The following DELE1 variants were observed in gnomAD, a reference collection of about 807,000 sequenced individuals.
DELE1 encodes DAP3 binding cell death enhancer 1.
In DELE1, 54 loss-of-function variants were observed where a neutral mutation model predicts 59.3. The observed-to-expected ratio is 0.91, with a 90% CI of 0.73 to 1.14. DELE1 has a LOEUF of 1.14. Ranked by LOEUF, DELE1 falls within the 50% of genes most tolerant of loss-of-function variation. The pLI is 0.00. For synonymous variants in DELE1, 264 were observed against 259.1 expected, an observed-to-expected ratio of 1.02 and a Z score of -0.18; for missense variants, 636 against 643.9, an observed-to-expected ratio of 0.99 and a Z score of 0.13.
chr5:141,936,306 C>T (rs1287376438), intron 10 of DELE1, among the ~76,000 whole-genome samples: 6 of 152,182 alleles, frequency 3.9e-5, no homozygotes, highest in African/African-American at 1.4e-4. Context: ...GGAGTGCAGA[C>T]AGTCTGGCTA....
chr5:141,938,391 C>CACTCATGAGTCACTGGGGTTGGGAGT, intron 11 of DELE1, 130 bp from the exon 12 acceptor site: 2 of 1,388,048 alleles, frequency 1.4e-6, no homozygotes, highest in Non-Finnish European at 1.9e-6. Context: ...GAGCCCTGCT[C>CACTCATGAGTCACTGGGGTTGGGAGT]ACTCATGAGT....
intron 3 of DELE1, among the ~76,000 whole-genome samples, chr5:141,926,013 G>C (rs1475332061): frequency 6.6e-6 from 1 of 151,994 alleles, no homozygotes; most frequent in Non-Finnish European, 1.5e-5. Flanking sequence ...CCAAGTAGCT[G>C]GGATTACAGG....
chr5:141,934,273 G>A lies in DELE1; in HGVS notation c.931G>A (p.Gly311Ser), dbSNP rs752203366. 1.2e-6 allele frequency: 2 copies of A among 1,612,812 alleles called. No homozygotes were observed. The highest frequency in any genetic ancestry group is 2.2e-5 in the South Asian group (2 of 91,054). Residue 311 changes from glycine to serine, a missense_variant, in exon 9 of 12, where the codon GGC becomes AGC. By Grantham distance (56) the Gly-to-Ser change is moderately conservative. Coordinates refer to ENST00000432126, the MANE Select transcript of DELE1 (RefSeq NM_014773.5). Reference sequence around the variant, plus strand: ...TTATTATCAGTTGGCTGCCAGCCAGGGCCACAGCCTGGCTCAGTACCGCTA... The same window carrying A: ...TTATTATCAGTTGGCTGCCAGCCAGAGCCACAGCCTGGCTCAGTACCGCTA... The part of the protein sequence containing the change: ...VLYYQLAASQ[G>S]HSLAQYRYAR...
intron 10 of DELE1, among the ~76,000 whole-genome samples, chr5:141,935,198 T>TG (rs1470311783): frequency 6.6e-6 from 1 of 152,176 alleles, no homozygotes; most frequent in African/African-American, 2.4e-5. Context: ...GTCTGTGAAC[T>TG]GGGGTCATTG....
intron 4 of DELE1, among the ~76,000 whole-genome samples, chr5:141,928,755 C>G (rs1295863084): frequency 6.6e-6 from 1 of 152,222 alleles, no homozygotes; most frequent in Non-Finnish European, 1.5e-5. Flanking sequence ...TGTCCCTGAA[C>G]AAGTCACTTT....
rs1347854435 is a variant in DELE1, at chr5:141,940,752, T to G, written c.*1993T>G. On this transcript the variant is annotated 3_prime_UTR_variant, in exon 12 of 12. Transcript: ENST00000432126. ...GCACTCCTTGGGAGCAGGGTCCTTG[T>G]CTTTGTATTCCAGTGTCCCCAGCAC... 5 of 977,936 alleles carry G rather than the reference T, an allele frequency of 5.1e-6. No homozygotes were observed. The highest frequency in any genetic ancestry group is 6.1e-6 in the Non-Finnish European group (5 of 823,240). The allele number at this position is 977,936 out of a possible 1,614,324, so 60.6% of individuals were successfully genotyped here. A position where few individuals can be genotyped will look rare whatever the true frequency, so the allele number is the denominator to read the frequency against.
intron 11 of DELE1, 126 bp downstream of exon 11, chr5:141,937,483 C>G: frequency 8.7e-7 from 1 of 1,155,272 alleles, no homozygotes; most frequent in East Asian, 2.4e-5. Flanking sequence ...AAGAATGCAG[C>G]TTTTGGGATG....
Position 141,923,989 on chromosome 5 carries a change from C to T in DELE1, c.31+17C>T. 6.2e-7 allele frequency: 1 copy of T among 1,607,558 alleles called. No individual in the cohort carries two copies. Among genetic ancestry groups the T allele is most frequent in the Non-Finnish European group, 8.5e-7 (1 of 1,177,164 alleles). On this transcript the variant is annotated intron_variant, in intron 1 of 11. Coordinates refer to ENST00000432126, the MANE Select transcript of DELE1 (RefSeq NM_014773.5). ...TGGGCCGAGGTAAGGGACGTCCAAG[C>T]AACCAGCGTCACTCTGGGCCGCAAA...
rs1352683011 is a variant in DELE1 at position 141,928,285 on chromosome 5, G to A, written c.399G>A (p.Trp133Ter). The A allele has an allele frequency of 6.2e-7, 1 of 1,614,104 alleles. No homozygotes were observed. The highest frequency in any genetic ancestry group is 8.5e-7 in the Non-Finnish European group (1 of 1,179,988). Residue 133 changes from tryptophan to a stop codon, truncating the protein, a stop_gained, in exon 4 of 12, where the codon TGG becomes TGA. Coordinates refer to ENST00000432126, the MANE Select transcript of DELE1 (RefSeq NM_014773.5). LOFTEE classifies it high-confidence loss of function. ...PLDRFFSSPL[W>*]HPCSSLRQHI... ...ACCGTTTCTTCTCATCTCCCTTGTG[G>A]CACCCATGCTCCTGTGAGTTCTCAG... is the stretch of plus-strand genomic sequence containing the variant.
Position 141,924,636 on chromosome 5 carries a change from C to A in DELE1, c.87C>A (p.Ser29Arg), listed in dbSNP as rs1276914932. The A allele has an allele frequency of 3.7e-6, 6 of 1,614,016 alleles. No individual in the cohort carries two copies. The highest frequency in any genetic ancestry group is 5.1e-6 in the Non-Finnish European group (6 of 1,179,984). ...SLWRVTPKST[S>R]PDGPQTTSST... is the part of the protein sequence containing the mutation. ...GGAGGGTGACTCCTAAGTCCACCAG[C>A]CCAGATGGGCCTCAGACTACCTCCT... Residue 29 changes from serine (S) to arginine (R), a missense_variant, in exon 2 of 12, where the codon AGC becomes AGA. Transcript: ENST00000432126.
In DELE1 at chr5:141,933,341, G is replaced by C; in HGVS notation, c.837G>C (p.Ala279=). The C allele has an allele frequency of 6.4e-7, 1 of 1,553,178 alleles. No individual in the cohort carries two copies. ...CTGCAGCCCGCGGCTACAGCAAAGCGCAGTACAATGCGGGCTTGTGTCATG... is the reference window on the plus strand; with the variant it reads ...CTGCAGCCCGCGGCTACAGCAAAGCCCAGTACAATGCGGGCTTGTGTCATG... ...QKAAARGYSK[A]QYNAGLCHEH... is the part of the protein sequence containing the mutation. Residue 279 remains alanine (A), a synonymous_variant, in exon 8 of 12, where the codon GCG becomes GCC. Transcript: ENST00000432126.
Position 141,939,932 on chromosome 5 carries a change from G to A in DELE1, c.*1173G>A, listed in dbSNP as rs1752638144. On this transcript the variant is annotated 3_prime_UTR_variant, in exon 12 of 12. Transcript: ENST00000432126. ...ACTTTATGAGTCGCTGGGCCAGGGTGAGGACCTGGGCCTCCTGACTCCTGG... is the reference window on the plus strand; with the variant it reads ...ACTTTATGAGTCGCTGGGCCAGGGTAAGGACCTGGGCCTCCTGACTCCTGG... The A allele has an allele frequency of 1.2e-6, 1 of 852,816 alleles. No homozygotes were observed. Among genetic ancestry groups the A allele is most frequent in the African/African-American group, 1.8e-5 (1 of 54,402 alleles). 52.8% of individuals were successfully genotyped at this position (852,816 alleles called of 1,614,324 possible). A position where few individuals can be genotyped will look rare whatever the true frequency, so the allele number is the denominator to read the frequency against.
In DELE1 at chr5:141,940,437, GCCC is replaced by G. The variant is rs1752669007; in HGVS notation, c.*1679_*1681del. 1.7e-6 allele frequency: 1 copy of G among 576,130 alleles called. No homozygotes were observed. Among genetic ancestry groups the G allele is most frequent in the Non-Finnish European group, 1.9e-6 (1 of 529,702 alleles). 35.7% of individuals were successfully genotyped at this position (576,130 alleles called of 1,614,324 possible). ...GTCTGGGAGGGATAGAGAGCCCACC[GCCC>G]ACCCCCCACAATCCCATGACTGAGT... is the stretch of plus-strand genomic sequence containing the variant. On this transcript the variant is annotated 3_prime_UTR_variant, in exon 12 of 12. Coordinates refer to ENST00000432126, the MANE Select transcript of DELE1 (RefSeq NM_014773.5).
chr5:141,940,200 G>C lies in DELE1; in HGVS notation c.*1441G>C, dbSNP rs1050505556. The C allele has an allele frequency of 9.1e-6, 9 of 985,282 alleles. No individual in the cohort carries two copies. The highest frequency in any genetic ancestry group is 9.6e-6 in the Non-Finnish European group (8 of 829,960). 61.0% of individuals were successfully genotyped at this position (985,282 alleles called of 1,614,324 possible). ...TGGGAAGAGCCAGGGAGACGGGCAGGGGGAGCTGAAAGCTGAGGCTCCGTC... is the reference window on the plus strand; with the variant it reads ...TGGGAAGAGCCAGGGAGACGGGCAGCGGGAGCTGAAAGCTGAGGCTCCGTC... On this transcript the variant is annotated 3_prime_UTR_variant, in exon 12 of 12. Coordinates refer to ENST00000432126, the MANE Select transcript of DELE1 (RefSeq NM_014773.5).
At chr5:141,930,344 T>C (rs1751804874) in intron 7 of DELE1, 70 bp downstream of exon 7, 20 of 1,106,562 alleles carry the variant, frequency 1.8e-5, no homozygotes, top group Admixed American at 4.1e-5. Context: ...AGCTCAGATA[T>C]AGTCAAGATA....
At chr5:141,924,495 T>A in intron 1 of DELE1, 86 bp from the exon 2 acceptor site, 1 of 784,824 alleles carries the variant, frequency 1.3e-6, no homozygotes, top group South Asian at 1.4e-5. Context: ...CCCATGTGTA[T>A]CCATGTTTAA....
intron 7 of DELE1, 148 bp from the exon 8 acceptor site, chr5:141,933,111 A>AAATATATATAT (rs1554076875): frequency 2.1e-5 from 2 of 94,438 alleles, no homozygotes; most frequent in South Asian, 8.3e-4. Context: ...AAAAAAAAAA[A>AAATATATATAT]ATATATATAT....
Position 141,937,343 on chromosome 5 carries a change from C to A in DELE1, c.1295C>A (p.Ser432Tyr). ...AAQERLRALF[S>Y]MGAAAPGPSD... Reference sequence around the variant, plus strand: ...CAGGAGAGGCTGCGAGCCCTCTTTTCCATGGGGGCTGCAGGTACAGACCCA... The same window carrying A: ...CAGGAGAGGCTGCGAGCCCTCTTTTACATGGGGGCTGCAGGTACAGACCCA... The change falls in exon 11 of 12, where the codon TCC becomes TAC. Residue 432 changes from serine (S) to tyrosine (Y), a missense_variant. Transcript: ENST00000432126. The A allele has an allele frequency of 6.2e-7, 1 of 1,614,050 alleles. No homozygotes were observed. The highest frequency in any genetic ancestry group is 8.5e-7 in the Non-Finnish European group (1 of 1,180,010).
In DELE1 at chr5:141,940,405, G is replaced by T; in HGVS notation, c.*1646G>T. ...AGTTGAATAGCATAGATGTGGTTGA[G>T]AGTGGGGTCTGGGAGGGATAGAGAG... On this transcript the variant is annotated 3_prime_UTR_variant, in exon 12 of 12. Transcript: ENST00000432126. The T allele has an allele frequency of 3.1e-6, 3 of 977,830 alleles. No individual in the cohort carries two copies. The highest frequency in any genetic ancestry group is 3.6e-6 in the Non-Finnish European group (3 of 829,090). 60.6% of individuals were successfully genotyped at this position (977,830 alleles called of 1,614,324 possible).
Sources: allele counts gnomAD v4.1 joint callset (sites outside exome capture counted in the v4.1 genomes callset), GRCh38; gene constraint gnomAD v4.1.1; transcripts MANE v1.5; gene names NCBI Gene and HGNC (gene_info 2026-07-23, HGNC 2026-07-21).